Variants in CATSPERB observed in about 807,000 individuals in gnomAD.
The protein encoded by CATSPERB is cation channel sperm-associated auxiliary subunit beta.
In CATSPERB, 93 loss-of-function variants were observed where a neutral mutation model predicts 128.3. The observed-to-expected ratio is 0.72, with a 90% CI of 0.61 to 0.86. CATSPERB has a LOEUF of 0.86. Among genes scored for constraint, CATSPERB ranks in the 40% least tolerant of loss-of-function variants. CATSPERB has a pLI of 0.00. For missense variants in CATSPERB, 1,153 were observed against 1,329.5 expected, an observed-to-expected ratio of 0.87 and a Z score of 2.06; for synonymous variants, 381 against 448.8, an observed-to-expected ratio of 0.85 and a Z score of 1.91.
At chr14:91,654,088 G>A (rs1894750157) in intron 15 of CATSPERB, among the ~76,000 whole-genome samples, 1 of 152,156 alleles carries the variant, frequency 6.6e-6, no homozygotes, top group Non-Finnish European at 1.5e-5. Flanking sequence ...AAAGAAGGAG[G>A]TGGGTGAGTA....
rs1434494457 is a variant in CATSPERB at position 91,690,675 on chromosome 14, T to C, written c.864+848A>G. Reference sequence around the variant, plus strand: ...TGCTCTACTTGTCCTCTGATTAGTATGACAATTAGTCAGTTCTATTTGCTT... The same window carrying C: ...TGCTCTACTTGTCCTCTGATTAGTACGACAATTAGTCAGTTCTATTTGCTT... On this transcript the variant is annotated intron_variant, in intron 10 of 26. Transcript: ENST00000256343. Among the ~76,000 whole-genome samples, 4 of 152,270 alleles carry C rather than the reference T, an allele frequency of 2.6e-5. No individual in the cohort carries two copies. In the East Asian group the frequency reaches 7.7e-4, roughly 29 times the overall value.
intron 15 of CATSPERB, among the ~76,000 whole-genome samples, chr14:91,640,328 T>C (rs1189566047): frequency 2.0e-5 from 3 of 149,660 alleles, no homozygotes; most frequent in South Asian, 2.2e-4. Flanking sequence ...TGTGCCATGC[T>C]GGTGCACTGC....
At chr14:91,591,305 T>C (rs928519582) in intron 23 of CATSPERB, among the ~76,000 whole-genome samples, 2 of 152,118 alleles carry the variant, frequency 1.3e-5, no homozygotes, top group Non-Finnish European at 2.9e-5. Flanking sequence ...TCCACCGGCG[T>C]TGGCCTCCCA....
chr14:91,700,472 C>G (rs1311562943), intron 7 of CATSPERB, among the ~76,000 whole-genome samples: 1 of 152,062 alleles, frequency 6.6e-6, no homozygotes, highest in African/African-American at 2.4e-5. Context: ...GGAATAGTTT[C>G]AGTAGGATTG....
intron 10 of CATSPERB, among the ~76,000 whole-genome samples, chr14:91,687,051 A>G (rs1336055271): frequency 6.6e-6 from 1 of 152,172 alleles, no homozygotes; most frequent in Non-Finnish European, 1.5e-5. Flanking sequence ...TAATAAAAGG[A>G]AGAAAAGTAT....
rs555511579 is a variant in CATSPERB at position 91,721,705 on chromosome 14, C to A, written c.309+1344G>T. Among the ~76,000 whole-genome samples, 5 of 152,128 alleles carry A rather than the reference C, an allele frequency of 3.3e-5. No individual in the cohort carries two copies. The South Asian group carries it at 1.0e-3, about 32-fold the overall frequency. On this transcript the variant is annotated intron_variant, in intron 4 of 26. Transcript: ENST00000256343. ...CTCTACTAAAAATACAAAAAATTAG[C>A]CAGGTTTGGTGGCGGATGCCTGTAG... is the stretch of plus-strand genomic sequence containing the variant.
At chr14:91,683,314 T>C (rs1895317330) in intron 11 of CATSPERB, among the ~76,000 whole-genome samples, 1 of 152,152 alleles carries the variant, frequency 6.6e-6, no homozygotes. Context: ...CAGCGGGAAA[T>C]AGCCAGATCG....
At chr14:91,661,548 T>TATATATATATATATATA (rs1566722229) in intron 14 of CATSPERB, among the ~76,000 whole-genome samples, 33 of 146,850 alleles carry the variant, frequency 2.2e-4, no homozygotes, top group African/African-American at 4.6e-4. Flanking sequence ...TATATATATA[T>TATATATATATATATATA]TTAAGACAGG....
At chr14:91,605,557 C>T (rs1893685060) in intron 22 of CATSPERB, among the ~76,000 whole-genome samples, 1 of 152,160 alleles carries the variant, frequency 6.6e-6, no homozygotes, top group Admixed American at 6.5e-5. Flanking sequence ...TTTCCACGGC[C>T]GAGGAGATCC....
chr14:91,673,145 T>C (rs67930407), intron 12 of CATSPERB, 129 bp from the exon 13 acceptor site: 219,033 of 785,376 alleles, frequency 0.28, 32,405 homozygotes, highest in East Asian at 0.33. Flanking sequence ...GAAATTAACC[T>C]TCCCTCCCTG....
intron 6 of CATSPERB, among the ~76,000 whole-genome samples, chr14:91,705,849 G>A (rs555518715): frequency 9.9e-5 from 15 of 152,242 alleles, no homozygotes; most frequent in Admixed American, 4.6e-4. Context: ...CAGACAAGGC[G>A]TCACAAATTT....
intron 11 of CATSPERB, among the ~76,000 whole-genome samples, chr14:91,676,786 C>T (rs8011231): frequency 0.12 from 17,918 of 152,166 alleles, 1,180 homozygotes; most frequent in South Asian, 0.15. Context: ...GCAAAAAGAA[C>T]AAAGCTGGAA....
intron 5 of CATSPERB, among the ~76,000 whole-genome samples, chr14:91,717,536 T>C (rs1440416619): frequency 6.6e-6 from 1 of 152,160 alleles, no homozygotes; most frequent in African/African-American, 2.4e-5. Flanking sequence ...ATGAAGATAG[T>C]AATAGTATCT....
chr14:91,617,849 C>A, intron 19 of CATSPERB, 113 bp from the exon 20 acceptor site: 2 of 754,706 alleles, frequency 2.7e-6, no homozygotes, highest in Non-Finnish European at 4.3e-6. Context: ...CTGAAGGTTG[C>A]ACAATGACTG....
intron 11 of CATSPERB, among the ~76,000 whole-genome samples, chr14:91,682,588 C>G (rs1895301588): frequency 6.6e-6 from 1 of 152,192 alleles, no homozygotes; most frequent in Non-Finnish European, 1.5e-5. Flanking sequence ...CCCTTCCTAT[C>G]CTTTGATTGG....
intron 20 of CATSPERB, 136 bp downstream of exon 20, chr14:91,617,461 C>A (rs1595148785): frequency 3.8e-6 from 2 of 529,664 alleles, no homozygotes; most frequent in South Asian, 6.9e-5. Context: ...ATGTATTTAT[C>A]CTTGTAACCC....
chr14:91,663,883 G>A (rs138593089), intron 14 of CATSPERB, among the ~76,000 whole-genome samples: 7 of 152,040 alleles, frequency 4.6e-5, no homozygotes, highest in East Asian at 1.9e-4. Flanking sequence ...GAGTTCCCCC[G>A]CACATGCATA....
At chr14:91,713,358 G>A (rs1369058992) in intron 5 of CATSPERB, among the ~76,000 whole-genome samples, 1 of 151,850 alleles carries the variant, frequency 6.6e-6, no homozygotes, top group Middle Eastern at 3.2e-3. Flanking sequence ...GATGAAATTA[G>A]GAACAGAAAA....
intron 5 of CATSPERB, among the ~76,000 whole-genome samples, chr14:91,717,446 C>T (rs188441777): frequency 2.6e-5 from 4 of 152,262 alleles, no homozygotes; most frequent in East Asian, 1.9e-4. Flanking sequence ...ATATGTAGTT[C>T]ACACTTCAAA....
Sources: allele counts gnomAD v4.1 joint callset (sites outside exome capture counted in the v4.1 genomes callset), GRCh38; gene constraint gnomAD v4.1.1; transcripts MANE v1.5; gene names NCBI Gene and HGNC (gene_info 2026-07-23, HGNC 2026-07-21).